MYLK3: variants seen among roughly 807,000 people sequenced by gnomAD.
MYLK3 encodes the protein myosin light chain kinase 3, also known as MLC kinase.
A neutral mutation model predicts 76.3 loss-of-function variants in MYLK3; 55 were observed. That is an observed-to-expected ratio of 0.72 (90% CI 0.58 to 0.90). The LOEUF (loss-of-function observed/expected upper bound fraction) is 0.90. MYLK3 is among the 40% of genes least tolerant of loss of function. The probability of loss-of-function intolerance (pLI) is 0.00; values close to 1 mark genes in which losing one functional copy is unlikely to be tolerated. For missense variants in MYLK3, 973 were observed against 1,053.6 expected (o/e 0.92, Z 1.06); for synonymous variants, 416 against 425.4 (o/e 0.98, Z 0.27).
chr16:46,726,744 G>GAA, intron 8 of MYLK3: 3 of 134,538 alleles, frequency 2.2e-5, no homozygotes, highest in Non-Finnish European at 3.2e-5. Context: ...AAAAGAAAGA[G>GAA]AGAGAGAAAG....
rs1966605236 is a variant in MYLK3 at position 46,704,378 on chromosome 16, C to G, written c.*3326G>C. ...ACAGATGTGAGCCACCATGCCTAGC[C>G]TTGACATGTGTTTTTAAGTGTAAAA... On this transcript the variant is annotated 3_prime_UTR_variant, in exon 13 of 13. Coordinates refer to ENST00000394809, the MANE Select transcript of MYLK3 (RefSeq NM_182493.3). 1 of 152,136 alleles carries G rather than the reference C, an allele frequency of 6.6e-6. No individual in the cohort carries two copies. Among genetic ancestry groups the G allele is most frequent in the African/African-American group, 2.4e-5 (1 of 41,436 alleles). 9.4% of individuals were successfully genotyped at this position (152,136 alleles called of 1,614,324 possible).
At chr16:46,758,362 T>G (rs1967232734) in intron 1 of MYLK3, among the ~76,000 whole-genome samples, 1 of 149,350 alleles carries the variant, frequency 6.7e-6, no homozygotes, top group Admixed American at 6.6e-5. Context: ...GACCACAAAT[T>G]AACTAGCTTG....
chr16:46,740,360 G>A (rs1313539784), intron 1 of MYLK3, among the ~76,000 whole-genome samples: 2 of 151,858 alleles, frequency 1.3e-5, no homozygotes, highest in African/African-American at 4.8e-5. Context: ...TAAAAGAGGA[G>A]GCGCCCAGCT....
At chr16:46,723,642 AG>A (rs1966821040) in intron 8 of MYLK3, among the ~76,000 whole-genome samples, 1 of 137,192 alleles carries the variant, frequency 7.3e-6, no homozygotes, top group South Asian at 2.3e-4. Context: ...CCCATATCCT[AG>A]CTGATGCTTT....
intron 8 of MYLK3, chr16:46,726,668 A>AAAG (rs1966841319): frequency 5.3e-5 from 1 of 18,848 alleles, no homozygotes; most frequent in Non-Finnish European, 1.3e-4. Context: ...AAAGAAAAAG[A>AAAG]AAGAAAGAGA....
rs1399331260 is a variant in MYLK3, at chr16:46,706,215, G to A, written c.*1489C>T. The A allele has an allele frequency of 6.6e-6, 1 of 151,494 alleles. No individual in the cohort carries two copies. Among genetic ancestry groups the A allele is most frequent in the African/African-American group, 2.4e-5 (1 of 41,168 alleles). 9.4% of individuals were successfully genotyped at this position (151,494 alleles called of 1,614,324 possible). A position where few individuals can be genotyped will look rare whatever the true frequency, so the allele number is the denominator to read the frequency against. The stretch of plus-strand genomic sequence containing the variant: ...GGAAGCCCTATCAATAATATAAACA[G>A]TCAGTTAATACCCATACACACATAT... On this transcript the variant is annotated 3_prime_UTR_variant, in exon 13 of 13. Coordinates refer to ENST00000394809, the MANE Select transcript of MYLK3 (RefSeq NM_182493.3).
intron 3 of MYLK3, among the ~76,000 whole-genome samples, chr16:46,736,199 G>C (rs1217089430): frequency 6.6e-6 from 1 of 152,124 alleles, no homozygotes; most frequent in East Asian, 1.9e-4. Context: ...TTTTTGTAGA[G>C]ATAGGGTCTT....
chr16:46,751,710 G>T (rs893145229), upstream of MYLK3, among the ~76,000 whole-genome samples: 1 of 152,220 alleles, frequency 6.6e-6, no homozygotes, highest in Non-Finnish European at 1.5e-5. Flanking sequence ...CTGACAATCC[G>T]GGAAGGGAGC....
chr16:46,709,671 G>A lies in MYLK3; in HGVS notation c.2268C>T (p.Ser756=), dbSNP rs1356768072. The change falls in exon 12 of 13, where the codon AGC becomes AGT. Residue 756 remains serine, a splice_region_variant and synonymous_variant. Transcript: ENST00000394809. ...FVSRLLVKEK[S]CRMSATQCLK... ...GGCACTGTGTGGCACTCATTCTGCA[G>A]CTGTGAAATCAAAGAGCAGTTAAGA... The A allele has an allele frequency of 3.1e-6, 5 of 1,609,036 alleles. No individual in the cohort carries two copies. In the East Asian group the frequency reaches 1.1e-4, roughly 36 times the overall value.
At chr16:46,755,162 G>A (rs1368548981) in intron 1 of MYLK3, among the ~76,000 whole-genome samples, 1 of 152,052 alleles carries the variant, frequency 6.6e-6, no homozygotes, top group Non-Finnish European at 1.5e-5. Context: ...GCCTACCAAA[G>A]TGCTGGGATT....
At chr16:46,711,819 C>G (rs1424329279) in intron 10 of MYLK3, 1 of 229,480 alleles carries the variant, frequency 4.4e-6, no homozygotes, top group African/African-American at 2.3e-5. Context: ...TATAAATACC[C>G]CCTAGATGAA....
Position 46,758,689 on chromosome 16 carries a change from C to T in MYLK3, c.-114+4351G>A, listed in dbSNP as rs145249609. ...CTTATTTTGTAGATGGAGATTCTGA[C>T]GCCCAGAGATGGGAAGGGGCTTTCT... On this transcript the variant is annotated intron_variant, in intron 1 of 11. Transcript: ENST00000536476. Among the ~76,000 whole-genome samples, 487 of 152,280 alleles carry T rather than the reference C, an allele frequency of 3.2e-3. 2 individuals carry two copies. The highest frequency in any genetic ancestry group is 0.011 in the African/African-American group (451 of 41,556).
chr16:46,724,048 G>C (rs541064533), intron 8 of MYLK3, among the ~76,000 whole-genome samples: 1 of 152,304 alleles, frequency 6.6e-6, no homozygotes, highest in African/African-American at 2.4e-5. Flanking sequence ...CAATTCCCTA[G>C]TGACTAATGA....
rs751020091 is a variant in MYLK3 at position 46,712,758 on chromosome 16, C to T, written c.2004G>A (p.Lys668=). Residue 668 remains lysine, a synonymous_variant, in exon 10 of 13, where the codon AAG becomes AAA. Coordinates refer to ENST00000394809, the MANE Select transcript of MYLK3 (RefSeq NM_182493.3). ...CAGGAGTGCCGAAGTTCACCTTCAG[C>T]TTCTCTCGAGGCTTGTACCTGGGGA... ...GLARRYKPRE[K]LKVNFGTPEF... 6.3e-7 allele frequency: 1 copy of T among 1,599,804 alleles called. No homozygotes were observed. The highest frequency in any genetic ancestry group is 2.3e-5 in the East Asian group (1 of 43,624).
intron 7 of MYLK3, among the ~76,000 whole-genome samples, chr16:46,728,609 T>A (rs1966846771): frequency 6.6e-6 from 1 of 152,162 alleles, no homozygotes; most frequent in Non-Finnish European, 1.5e-5. Flanking sequence ...TGGTCACAGC[T>A]TCATGGGAGG....
At chr16:46,730,230 C>T (rs1286939230) in intron 5 of MYLK3, among the ~76,000 whole-genome samples, 1 of 151,954 alleles carries the variant, frequency 6.6e-6, no homozygotes, top group Non-Finnish European at 1.5e-5. Context: ...TCCCAGGGAA[C>T]ATCCCCTCAC....
chr16:46,737,538 C>G (rs917606707), intron 3 of MYLK3, among the ~76,000 whole-genome samples, 173 bp downstream of exon 3: 1 of 152,252 alleles, frequency 6.6e-6, no homozygotes, highest in Non-Finnish European at 1.5e-5. Context: ...TAGTGGGCAG[C>G]CGGTGAGCAC....
At chr16:46,761,342 A>T (rs1967273866) in intron 1 of MYLK3, among the ~76,000 whole-genome samples, 1 of 152,186 alleles carries the variant, frequency 6.6e-6, no homozygotes, top group Admixed American at 6.5e-5. Context: ...AGGGACAGTG[A>T]TGCTATGGAA....
chr16:46,710,933 C>T (rs1966677498), intron 10 of MYLK3, 144 bp from the exon 11 acceptor site: 1 of 873,798 alleles, frequency 1.1e-6, no homozygotes, highest in African/African-American at 1.7e-5. Flanking sequence ...TACTTCTCCA[C>T]AGGATGGAGT....
Sources: allele counts gnomAD v4.1 joint callset (sites outside exome capture counted in the v4.1 genomes callset), GRCh38; gene constraint gnomAD v4.1.1; transcripts MANE v1.5; gene names NCBI Gene and HGNC (gene_info 2026-07-23, HGNC 2026-07-21).